FREM1: variants seen among roughly 807,000 people sequenced by gnomAD.
The protein encoded by FREM1 is FRAS1 related extracellular matrix 1.
In FREM1, 220 loss-of-function variants were observed where a neutral mutation model predicts 210.1. The ratio of observed to expected loss-of-function variants is 1.05; its 90% CI spans 0.94 to 1.17. The LOEUF (loss-of-function observed/expected upper bound fraction) is 1.17, where lower values mean the gene tolerates loss of function less well. FREM1 is among the 50% of genes most tolerant of loss of function. The pLI is 0.00. For synonymous variants in FREM1, 1,189 were observed against 980.2 expected (o/e 1.21, Z -3.98); for missense variants, 3,454 against 2,675.5 (o/e 1.29, Z -6.42).
In FREM1 at chr9:14,775,794, T is replaced by C. The variant is rs1848453117; in HGVS notation, c.4852A>G (p.Ile1618Val). ...RVWEEPVLFTIQVDQLDKTAP... is the reference protein window; with the variant it reads ...RVWEEPVLFTVQVDQLDKTAP... ...ACTGTGTTTTTCATACTTGCCTGAATGGTGAATAAAACAGGTTCTTCCCAC... is the reference window on the plus strand; with the variant it reads ...ACTGTGTTTTTCATACTTGCCTGAACGGTGAATAAAACAGGTTCTTCCCAC... Residue 1618 changes from isoleucine to valine, a missense_variant, in exon 25 of 37, where the codon ATT (isoleucine) becomes GTT (valine). By Grantham distance (29) the Ile-to-Val change is conservative (BLOSUM62 3). Coordinates refer to ENST00000380880, the MANE Select transcript of FREM1 (RefSeq NM_001379081.2). 1 of 1,607,208 alleles carries C rather than the reference T, an allele frequency of 6.2e-7. No homozygotes were observed. Among genetic ancestry groups the C allele is most frequent in the Non-Finnish European group, 8.5e-7 (1 of 1,174,904 alleles).
At position 14,812,913 on chromosome 9, in the gene FREM1, G is replaced by A. The variant is rs761793875; in HGVS notation, c.2792C>T (p.Ala931Val). Residue 931 changes from alanine to valine, a missense_variant, in exon 16 of 37, where the codon GCT becomes GTT. Coordinates refer to ENST00000380880, the MANE Select transcript of FREM1 (RefSeq NM_001379081.2). The stretch of plus-strand genomic sequence containing the variant: ...CACCACCCCATGCTGAGGTTCGCGA[G>A]CAATCACAAACATCAACTTCAAGTT... ...SDNLKLMFVIAREPQHGVVRR... is the reference protein window; with the variant it reads ...SDNLKLMFVIVREPQHGVVRR... The A allele has an allele frequency of 5.6e-6, 9 of 1,613,878 alleles. No individual in the cohort carries two copies. The highest frequency in any genetic ancestry group is 7.6e-6 in the Non-Finnish European group (9 of 1,179,844).
At chr9:14,799,652 A>T (rs1853136704) in intron 20 of FREM1, among the ~76,000 whole-genome samples, 1 of 152,112 alleles carries the variant, frequency 6.6e-6, no homozygotes, top group African/African-American at 2.4e-5. Flanking sequence ...TTCCTTGGTC[A>T]AATTTGAAAA....
rs143006642 is a variant in FREM1 at position 14,855,270 on chromosome 9, G to A, written c.828+2283C>T. Among the ~76,000 whole-genome samples the A allele has an allele frequency of 4.9e-4, 74 of 152,214 alleles. No individual in the cohort carries two copies. In the East Asian group the frequency reaches 0.014, roughly 28 times the overall value. On this transcript the variant is annotated intron_variant, in intron 5 of 36. Transcript: ENST00000380880. The stretch of plus-strand genomic sequence containing the variant: ...ATACGTTATATCCTTATATACAATA[G>A]AAGATCATCTAAAATCAATGGGAAA...
At chr9:14,766,165 T>A (rs1210929699) in intron 27 of FREM1, among the ~76,000 whole-genome samples, 1 of 152,176 alleles carries the variant, frequency 6.6e-6, no homozygotes, top group Non-Finnish European at 1.5e-5. Context: ...TATTTCCTTA[T>A]CCTCAGAGGA....
intron 1 of FREM1, among the ~76,000 whole-genome samples, chr9:14,891,835 A>G (rs988674862): frequency 1.4e-4 from 22 of 152,318 alleles, no homozygotes; most frequent in African/African-American, 5.3e-4. Flanking sequence ...TTTGTGAGAA[A>G]AAGTACAGGG....
Position 14,775,992 on chromosome 9 carries a change from G to A in FREM1, c.4654C>T (p.His1552Tyr). ...GTCCCCCACAGGTAGAGCTGGCCAT[G>A]CTGGGGGAGCTGAACCAAGAGGAAG... The part of the protein sequence containing the change: ...LTFLLVQLPQ[H>Y]GQLYLWGTGL... Residue 1552 changes from histidine to tyrosine, a missense_variant, in exon 25 of 37, where the codon CAT (histidine) becomes TAT (tyrosine). Coordinates refer to ENST00000380880, the MANE Select transcript of FREM1 (RefSeq NM_001379081.2). The A allele has an allele frequency of 1.9e-6, 3 of 1,614,048 alleles. No individual in the cohort carries two copies. The highest frequency in any genetic ancestry group is 2.5e-6 in the Non-Finnish European group (3 of 1,179,892).
intron 1 of FREM1, among the ~76,000 whole-genome samples, chr9:14,892,830 T>C (rs1156432230): frequency 1.3e-5 from 2 of 152,156 alleles, no homozygotes; most frequent in African/African-American, 2.4e-5. Flanking sequence ...CCCCAGGCAA[T>C]GCTTTTCTCT....
chr9:14,854,603 A>G (rs1828381456), intron 5 of FREM1, among the ~76,000 whole-genome samples: 1 of 152,110 alleles, frequency 6.6e-6, no homozygotes, highest in South Asian at 2.1e-4. Context: ...AAAAATAAGA[A>G]GAATAATTAC....
At chr9:14,814,485 AC>A (rs752387405) in intron 15 of FREM1, among the ~76,000 whole-genome samples, 3 of 152,334 alleles carry the variant, frequency 2.0e-5, no homozygotes, top group Admixed American at 6.5e-5. Flanking sequence ...AAACTCTAAA[AC>A]AAATATACAT....
chr9:14,806,813 G>A lies in FREM1; in HGVS notation c.3122C>T (p.Thr1041Ile), dbSNP rs1472563578. The A allele has an allele frequency of 1.9e-6, 3 of 1,606,740 alleles. No individual in the cohort carries two copies. Among genetic ancestry groups the A allele is most frequent in the African/African-American group, 2.7e-5 (2 of 74,838 alleles). The change falls in exon 18 of 37, where the codon ACA (threonine) becomes ATA (isoleucine). Residue 1041 changes from threonine (T) to isoleucine (I), a missense_variant. Coordinates refer to ENST00000380880, the MANE Select transcript of FREM1 (RefSeq NM_001379081.2). ...GGACAAATGGTTAACAGTAAGGGCT[G>A]TTGAGCAGCCCTCATCTACAACAAA... ...PVFVVDEGCS[T>I]ALTVNHLSAT...
At chr9:14,875,996 C>T (rs1348059069) in intron 1 of FREM1, among the ~76,000 whole-genome samples, 2 of 152,172 alleles carry the variant, frequency 1.3e-5, no homozygotes, top group African/African-American at 2.4e-5. Flanking sequence ...AGCGGATTTT[C>T]GTGAACCGCA....
intron 15 of FREM1, among the ~76,000 whole-genome samples, chr9:14,814,543 T>A (rs1262084931): frequency 6.6e-6 from 1 of 152,234 alleles, no homozygotes; most frequent in Non-Finnish European, 1.5e-5. Context: ...CCAGGCTAGT[T>A]ATTTAAAGAC....
At chr9:14,797,015 G>A (rs1212220268) in intron 21 of FREM1, among the ~76,000 whole-genome samples, 2 of 152,282 alleles carry the variant, frequency 1.3e-5, no homozygotes, top group Non-Finnish European at 2.9e-5. Flanking sequence ...TAGAGAACTG[G>A]TGGACAAAAA....
At chr9:14,842,694 C>A (rs1378204796) in intron 8 of FREM1, 34 bp from the exon 9 acceptor site, 1 of 1,490,144 alleles carries the variant, frequency 6.7e-7, no homozygotes, top group Admixed American at 1.7e-5. Context: ...GCAGATTGAG[C>A]AAGGGAGTGC....
intron 14 of FREM1, among the ~76,000 whole-genome samples, chr9:14,818,266 G>A (rs1377188579): frequency 6.6e-6 from 1 of 152,218 alleles, no homozygotes. Context: ...CTATCTAACA[G>A]ACAGCTGAGA....
chr9:14,861,425 T>C (rs1017495758), intron 3 of FREM1, among the ~76,000 whole-genome samples: 10 of 149,372 alleles, frequency 6.7e-5, no homozygotes, highest in African/African-American at 2.2e-4. Context: ...GATACTTTCA[T>C]ACAGGCAAGC....
chr9:14,898,115 C>T (rs1268256197), intron 1 of FREM1, among the ~76,000 whole-genome samples: 2 of 152,140 alleles, frequency 1.3e-5, no homozygotes. Flanking sequence ...AATCAGAGGC[C>T]AGCCTGTTAA....
rs531871333 is a variant in FREM1, at chr9:14,814,598, G to GA, written c.2641-1535dup. Among the ~76,000 whole-genome samples the GA allele has an allele frequency of 3.2e-4, 49 of 152,226 alleles. No individual in the cohort carries two copies. In the East Asian group the frequency reaches 8.5e-3, roughly 26 times the overall value. On this transcript the variant is annotated intron_variant, in intron 15 of 36. Coordinates refer to ENST00000380880, the MANE Select transcript of FREM1 (RefSeq NM_001379081.2). The stretch of plus-strand genomic sequence containing the variant: ...CTCTACTTTTCTATTGGCTTATTAA[G>GA]AAAAAACCATCTTTGTTCAAGTCCC...
chr9:14,788,796 A>G (rs1850814347), intron 23 of FREM1, 123 bp downstream of exon 23: 1 of 780,912 alleles, frequency 1.3e-6, no homozygotes, highest in Non-Finnish European at 2.0e-6. Context: ...TAGAATTTCA[A>G]AGATGAAGAG....
Sources: gnomAD v4.1 joint callset for allele counts (sites outside exome capture counted in the v4.1 genomes callset) on GRCh38, gnomAD v4.1.1 for gene constraint, MANE v1.5 for transcripts, NCBI Gene and HGNC (gene_info 2026-07-23, HGNC 2026-07-21) for gene names.